Variants in MYO3B observed in about 807,000 individuals in gnomAD.
MYO3B encodes myosin IIIB.
A neutral mutation model predicts 174.6 loss-of-function variants in MYO3B; 156 were observed. That is an observed-to-expected ratio of 0.89 (90% CI 0.78 to 1.02). The LOEUF is 1.02. Ranked by LOEUF, MYO3B falls within the 50% of genes least tolerant of loss-of-function variation. The pLI is 0.00. For missense variants in MYO3B, 1,632 were observed against 1,639.4 expected, an observed-to-expected ratio of 1.00 and a Z score of 0.08; for synonymous variants, 563 against 569.1, an observed-to-expected ratio of 0.99 and a Z score of 0.15.
chr2:170,625,580 T>A (rs554792077), intron 32 of MYO3B, among the ~76,000 whole-genome samples: 1 of 152,364 alleles, frequency 6.6e-6, no homozygotes, highest in Admixed American at 6.5e-5. Context: ...CTTAGTTATT[T>A]CTTGCTTTCT....
intron 7 of MYO3B, among the ~76,000 whole-genome samples, chr2:170,276,473 G>A (rs572032713): frequency 1.3e-5 from 2 of 152,204 alleles, no homozygotes; most frequent in African/African-American, 2.4e-5. Context: ...TACAAACCCT[G>A]TATTTTATAT....
At chr2:170,447,471 C>T (rs1235047556) in intron 23 of MYO3B, among the ~76,000 whole-genome samples, 7 of 152,194 alleles carry the variant, frequency 4.6e-5, no homozygotes, top group Admixed American at 2.6e-4. Context: ...GGAAATTCTT[C>T]AGTTTTCATT....
chr2:170,457,281 C>T (rs533876547), intron 23 of MYO3B, among the ~76,000 whole-genome samples: 1 of 152,024 alleles, frequency 6.6e-6, no homozygotes, highest in South Asian at 2.1e-4. Flanking sequence ...AATAAATTAA[C>T]CTTAGTTTAC....
chr2:170,275,077 A>G (rs1007595398), intron 7 of MYO3B, among the ~76,000 whole-genome samples: 1 of 152,186 alleles, frequency 6.6e-6, no homozygotes, highest in Non-Finnish European at 1.5e-5. Context: ...GAAAGAAATA[A>G]GCCCGTATTT....
chr2:170,513,048 A>C (rs1324036934), intron 28 of MYO3B, among the ~76,000 whole-genome samples: 1 of 152,224 alleles, frequency 6.6e-6, no homozygotes, highest in African/African-American at 2.4e-5. Context: ...TGTTTGTTAA[A>C]TAAAAATAAT....
At position 170,558,558 on chromosome 2, in the gene MYO3B, T is replaced by C. The variant is rs139382599; in HGVS notation, c.3733+14570T>C. Among the ~76,000 whole-genome samples, 306 of 152,338 alleles carry C rather than the reference T, an allele frequency of 2.0e-3. 3 individuals are homozygous for C. Among genetic ancestry groups the C allele is most frequent in the African/African-American group, 6.7e-3 (279 of 41,582 alleles). On this transcript the variant is annotated intron_variant, in intron 32 of 34. Transcript: ENST00000408978. The stretch of plus-strand genomic sequence containing the variant: ...CTGGAACCACATAGCATATATTCTT[T>C]GACTTCTAGCTTTTTCTCTTTTTTC...
intron 32 of MYO3B, among the ~76,000 whole-genome samples, chr2:170,570,489 C>T (rs1692365638): frequency 6.6e-6 from 1 of 152,162 alleles, no homozygotes; most frequent in African/African-American, 2.4e-5. Context: ...AGGTTGGGTG[C>T]ATTGGCCACA....
At chr2:170,567,409 G>C (rs530298597) in intron 32 of MYO3B, among the ~76,000 whole-genome samples, 1 of 152,204 alleles carries the variant, frequency 6.6e-6, no homozygotes, top group South Asian at 2.1e-4. Flanking sequence ...TGAAGGGTAG[G>C]GGACATCCAA....
intron 28 of MYO3B, among the ~76,000 whole-genome samples, chr2:170,509,870 A>G (rs1333673027): frequency 6.6e-6 from 1 of 152,178 alleles, no homozygotes; most frequent in African/African-American, 2.4e-5. Context: ...ATCTTGGTGT[A>G]CCTATCATGT....
intron 7 of MYO3B, among the ~76,000 whole-genome samples, chr2:170,325,489 T>C (rs2093859785): frequency 6.6e-6 from 1 of 152,224 alleles, no homozygotes; most frequent in East Asian, 1.9e-4. Flanking sequence ...ATTACAGGCG[T>C]GAGCCACTAC....
At chr2:170,350,148 C>T (rs1335179065) in intron 8 of MYO3B, among the ~76,000 whole-genome samples, 1 of 152,018 alleles carries the variant, frequency 6.6e-6, no homozygotes, top group Non-Finnish European at 1.5e-5. Context: ...ATTACAGGCA[C>T]GTGCACACCC....
At chr2:170,591,182 T>G (rs1693799547) in intron 32 of MYO3B, among the ~76,000 whole-genome samples, 1 of 152,180 alleles carries the variant, frequency 6.6e-6, no homozygotes, top group African/African-American at 2.4e-5. Context: ...TTAATTTAGG[T>G]TTTTGATTGC....
chr2:170,409,628 T>C (rs2094533140), intron 22 of MYO3B, among the ~76,000 whole-genome samples: 1 of 152,258 alleles, frequency 6.6e-6, no homozygotes. Flanking sequence ...ATTATTTATG[T>C]AGGAATGAAT....
chr2:170,621,987 C>G (rs931765348), intron 32 of MYO3B, among the ~76,000 whole-genome samples: 1 of 152,184 alleles, frequency 6.6e-6, no homozygotes, highest in African/African-American at 2.4e-5. Context: ...ACAACTGACC[C>G]TCAGGAAGTA....
intron 30 of MYO3B, among the ~76,000 whole-genome samples, chr2:170,531,645 G>T (rs530844599): frequency 5.3e-5 from 8 of 152,270 alleles, no homozygotes; most frequent in African/African-American, 1.4e-4. Context: ...TTAGTATTAT[G>T]CATTTTGTAC....
chr2:170,248,290 C>T (rs1364297038), intron 7 of MYO3B, among the ~76,000 whole-genome samples: 1 of 152,086 alleles, frequency 6.6e-6, no homozygotes, highest in Non-Finnish European at 1.5e-5. Context: ...CAAACCTAGG[C>T]CTCCAAGTCA....
intron 1 of MYO3B, among the ~76,000 whole-genome samples, chr2:170,195,675 CT>C (rs2092591411): frequency 6.6e-6 from 1 of 152,158 alleles, no homozygotes; most frequent in African/African-American, 2.4e-5. Flanking sequence ...CCCACTTGGG[CT>C]TTGGGAGTTT....
intron 30 of MYO3B, among the ~76,000 whole-genome samples, chr2:170,541,145 G>A (rs980369060): frequency 1.3e-5 from 2 of 152,206 alleles, no homozygotes; most frequent in Admixed American, 1.3e-4. Context: ...ATTCTGAAAA[G>A]CCACACAAGC....
At chr2:170,569,197 T>G (rs1692263490) in intron 32 of MYO3B, among the ~76,000 whole-genome samples, 1 of 152,234 alleles carries the variant, frequency 6.6e-6, no homozygotes, top group South Asian at 2.1e-4. Context: ...AGAGAGTGCC[T>G]ACTTTGTTTC....
Sources: gnomAD v4.1 joint callset for allele counts (sites outside exome capture counted in the v4.1 genomes callset) on GRCh38, gnomAD v4.1.1 for gene constraint, MANE v1.5 for transcripts, NCBI Gene and HGNC (gene_info 2026-07-23, HGNC 2026-07-21) for gene names.